The following ANKRD27 variants were observed in gnomAD, a reference collection of about 807,000 sequenced individuals.
ANKRD27 encodes ankyrin repeat domain 27, also known as ankyrin repeat domain-containing protein 27.
A neutral mutation model predicts 129.7 loss-of-function variants in ANKRD27; 112 were observed. The observed-to-expected ratio is 0.86, with a 90% confidence interval of 0.74 to 1.01. The LOEUF (loss-of-function observed/expected upper bound fraction) is 1.01, where lower values mean the gene tolerates loss of function less well. Ranked by LOEUF, ANKRD27 falls within the 50% of genes least tolerant of loss-of-function variation. ANKRD27 has a pLI of 0.00. For missense variants in ANKRD27, 1,258 were observed against 1,300.5 expected (o/e 0.97, Z 0.50); for synonymous variants, 516 against 511.2 (o/e 1.01, Z -0.13).
chr19:32,636,183 C>T (rs77195997), intron 12 of ANKRD27: 2,123 of 158,338 alleles, frequency 0.013, 54 homozygotes, highest in African/African-American at 0.048. Context: ...ACATGGAATT[C>T]GCCAAGCTGC....
At chr19:32,663,828 G>A (rs545699186) in intron 1 of ANKRD27, among the ~76,000 whole-genome samples, 49 of 151,992 alleles carry the variant, frequency 3.2e-4, no homozygotes, top group African/African-American at 1.1e-3. Context: ...AGGCCGAGGC[G>A]GGCGGATCAC....
At position 32,625,940 on chromosome 19, in the gene ANKRD27, G is replaced by T. The variant is rs774132281; in HGVS notation, c.1563C>A (p.Ser521Arg). Residue 521 changes from serine (S) to arginine (R), a missense_variant, in exon 17 of 29, where the codon AGC becomes AGA. By Grantham distance (110) the Ser-to-Arg change is moderately radical. Coordinates refer to ENST00000306065, the MANE Select transcript of ANKRD27 (RefSeq NM_032139.3). ...TCCCATTGTTGTCCTGCACTTCCGCGCTGGCCTTGTAGTGCAGCAGCAGCA... is the reference window on the plus strand; with the variant it reads ...TCCCATTGTTGTCCTGCACTTCCGCTCTGGCCTTGTAGTGCAGCAGCAGCA... ...VTLLLLHYKA[S>R]AEVQDNNGNT... 1 of 1,610,270 alleles carries T rather than the reference G, an allele frequency of 6.2e-7. No homozygotes were observed. Among genetic ancestry groups the T allele is most frequent in the African/African-American group, 1.3e-5 (1 of 74,840 alleles).
intron 28 of ANKRD27, 151 bp from the exon 29 acceptor site, chr19:32,598,529 T>A: frequency 1.4e-6 from 1 of 691,754 alleles, no homozygotes; most frequent in Non-Finnish European, 2.5e-6. Flanking sequence ...CCTGTCGTGG[T>A]AACATGGCAT....
chr19:32,620,555 C>T (rs1185485912), intron 18 of ANKRD27, among the ~76,000 whole-genome samples: 8 of 129,642 alleles, frequency 6.2e-5, no homozygotes, highest in Non-Finnish European at 1.3e-4. Context: ...GGCGACAGAG[C>T]GAGACTCCGT....
At chr19:32,629,648 C>G (rs1377415807) in intron 13 of ANKRD27, among the ~76,000 whole-genome samples, 1 of 152,006 alleles carries the variant, frequency 6.6e-6, no homozygotes, top group Non-Finnish European at 1.5e-5. Flanking sequence ...TGCAGTGAAC[C>G]AAGATCGCAC....
At chr19:32,642,278 G>C in intron 9 of ANKRD27, 133 bp from the exon 10 acceptor site, 1 of 886,246 alleles carries the variant, frequency 1.1e-6, no homozygotes, top group Non-Finnish European at 1.6e-6. Flanking sequence ...AACAGATACT[G>C]AGAAGTCATC....
intron 22 of ANKRD27, 46 bp from the exon 23 acceptor site, chr19:32,607,878 G>A: frequency 6.4e-7 from 1 of 1,553,330 alleles, no homozygotes; most frequent in Non-Finnish European, 8.7e-7. Context: ...CAGTATTGAA[G>A]AAACTGGGCT....
rs765990184 is a variant in ANKRD27, at chr19:32,607,811, T to C, written c.2197A>G (p.Ser733Gly). Residue 733 changes from serine (S) to glycine (G), a missense_variant, in exon 23 of 29, where the codon AGT becomes GGT. Ser to Gly is a moderately conservative substitution (Grantham distance 56). Coordinates refer to ENST00000306065, the MANE Select transcript of ANKRD27 (RefSeq NM_032139.3). ...CTGGTCACGTTCACACCAAGCCCAC[T>C]GGCAGGAACCTTCGCCAGCCTCTGG... ...AQKRLAKVPA[S>G]GLGVNVTSQD... is the part of the protein sequence containing the mutation. The C allele has an allele frequency of 1.9e-6, 3 of 1,604,296 alleles. No homozygotes were observed. Among genetic ancestry groups the C allele is most frequent in the Non-Finnish European group, 2.5e-6 (3 of 1,176,618 alleles).
chr19:32,648,798 C>CAAA (rs34589766), intron 3 of ANKRD27, among the ~76,000 whole-genome samples: 1 of 100,166 alleles, frequency 1.0e-5, no homozygotes, highest in African/African-American at 3.2e-5. Context: ...GATTCCATCT[C>CAAA]AAAAAAAAAA....
At chr19:32,626,639 C>G in intron 16 of ANKRD27, 73 bp downstream of exon 16, 1 of 1,179,702 alleles carries the variant, frequency 8.5e-7, no homozygotes. Context: ...GCCAGCATGA[C>G]CGTACAGTCA....
At chr19:32,619,581 T>C (rs762440590) in intron 18 of ANKRD27, 28 bp from the exon 19 acceptor site, 2 of 1,613,212 alleles carry the variant, frequency 1.2e-6, no homozygotes, top group South Asian at 1.1e-5. Context: ...ATGCCAACAG[T>C]ACCCCGTGAG....
intron 22 of ANKRD27, chr19:32,608,196 A>C (rs954198730): frequency 3.9e-6 from 1 of 256,552 alleles, no homozygotes; most frequent in African/African-American, 2.7e-5. Context: ...TTTTTTGTAG[A>C]GATGGGGTCT....
At chr19:32,607,558 G>T in intron 23 of ANKRD27, 77 bp downstream of exon 23, 1 of 1,522,374 alleles carries the variant, frequency 6.6e-7, no homozygotes, top group Non-Finnish European at 8.9e-7. Flanking sequence ...CCAAACCCCT[G>T]CAGCGTTCCT....
intron 1 of ANKRD27, among the ~76,000 whole-genome samples, chr19:32,664,075 G>GAAAAAA (rs796591056): frequency 3.5e-5 from 2 of 56,512 alleles, no homozygotes; most frequent in African/African-American, 9.8e-5. Context: ...AAAAAAAAAA[G>GAAAAAA]AAAGAAATAG....
chr19:32,666,639 C>CTTT lies in ANKRD27; in HGVS notation c.-30-7595_-30-7594insAAA, dbSNP rs1421941665. The stretch of plus-strand genomic sequence containing the variant: ...GGGCACAGAAAAGGAAATCAGATTT[C>CTTT]TATTTTTTTTTTTTTTTTTTTTTGA... On this transcript the variant is annotated intron_variant, in intron 1 of 28. Coordinates refer to ENST00000306065, the MANE Select transcript of ANKRD27 (RefSeq NM_032139.3). 4.5e-4 allele frequency among the ~76,000 whole-genome samples: 50 copies of CTTT among 111,986 alleles called. 8 individuals carry two copies. The highest frequency in any genetic ancestry group is 5.3e-4 in the Non-Finnish European group (30 of 56,750). 73.5% of individuals were successfully genotyped at this position (111,986 alleles called of 152,430 possible). A position where few individuals can be genotyped will look rare whatever the true frequency, so the allele number is the denominator to read the frequency against.
At chr19:32,657,352 C>T (rs777895049) in intron 2 of ANKRD27, among the ~76,000 whole-genome samples, 8 of 151,912 alleles carry the variant, frequency 5.3e-5, no homozygotes, top group Non-Finnish European at 2.9e-5. Flanking sequence ...GTCCCAGCTA[C>T]TCAGGAGACT....
At chr19:32,609,215 A>AACTGGCAG (rs1971797535) in intron 22 of ANKRD27, among the ~76,000 whole-genome samples, 1 of 152,320 alleles carries the variant, frequency 6.6e-6, no homozygotes, top group East Asian at 1.9e-4. Flanking sequence ...CACTTTGGAA[A>AACTGGCAG]ACTGGCAGTT....
chr19:32,646,894 C>T (rs186022603), intron 3 of ANKRD27, among the ~76,000 whole-genome samples: 1 of 152,302 alleles, frequency 6.6e-6, no homozygotes, highest in African/African-American at 2.4e-5. Flanking sequence ...GGTGCGACCT[C>T]GGCTCACTGC....
chr19:32,665,253 A>C (rs978741369), intron 1 of ANKRD27, among the ~76,000 whole-genome samples: 1 of 150,288 alleles, frequency 6.7e-6, no homozygotes, highest in African/African-American at 2.4e-5. Context: ...GAAAAATCCT[A>C]TTAGGATTTT....
Sources: allele counts gnomAD v4.1 joint callset (sites outside exome capture counted in the v4.1 genomes callset), GRCh38; gene constraint gnomAD v4.1.1; transcripts MANE v1.5; gene names NCBI Gene and HGNC (gene_info 2026-07-23, HGNC 2026-07-21).